WDPCP: variants seen among roughly 807,000 people sequenced by gnomAD.
WDPCP encodes the protein WD repeat-containing and planar cell polarity effector protein fritz homolog.
In WDPCP, 71 loss-of-function variants were observed where a neutral mutation model predicts 93.1. The observed-to-expected ratio is 0.76, with a 90% confidence interval of 0.63 to 0.93. The LOEUF is 0.93. WDPCP is among the 40% of genes least tolerant of loss of function. The pLI is 0.00. For missense variants in WDPCP, 844 were observed against 887.4 expected, an observed-to-expected ratio of 0.95 and a Z score of 0.62; for synonymous variants, 315 against 315.0, an observed-to-expected ratio of 1.00 and a Z score of 0.00.
At chr2:63,268,721 T>A (rs543894080) in intron 13 of WDPCP, among the ~76,000 whole-genome samples, 109 of 71,208 alleles carry the variant, frequency 1.5e-3, no homozygotes, top group South Asian at 3.5e-3. Context: ...GCTCAAGTGA[T>A]CCTCTCACTG....
intron 1 of WDPCP, among the ~76,000 whole-genome samples, chr2:63,563,484 T>C (rs1706786888): frequency 6.6e-6 from 1 of 152,000 alleles, no homozygotes; most frequent in Non-Finnish European, 1.5e-5. Context: ...ATTTCATATA[T>C]ATGAAATGTG....
intron 6 of WDPCP, among the ~76,000 whole-genome samples, chr2:63,466,513 A>G (rs966938081): frequency 1.8e-4 from 28 of 152,276 alleles, no homozygotes; most frequent in African/African-American, 6.7e-4. Flanking sequence ...TAACTTGTAC[A>G]TTTAATACAA....
intron 1 of WDPCP, among the ~76,000 whole-genome samples, chr2:63,827,269 C>A (rs957254222): frequency 6.6e-6 from 1 of 152,052 alleles, no homozygotes; most frequent in Middle Eastern, 3.2e-3. Context: ...CTTCTCAATC[C>A]TTCAGCTTTG....
chr2:63,120,953 T>C lies in WDPCP; in HGVS notation c.*1053A>G, dbSNP rs533539763. ...AACAAGTTACCACACTATAGTTTCA[T>C]GGATGCTGTTAGAAGACATGAGACT... On this transcript the variant is annotated 3_prime_UTR_variant, in exon 18 of 18. Coordinates refer to ENST00000272321, the MANE Select transcript of WDPCP (RefSeq NM_015910.7). 6.6e-6 allele frequency among the ~76,000 whole-genome samples: 1 copy of C among 152,292 alleles called. No individual in the cohort carries two copies. Among genetic ancestry groups the C allele is most frequent in the Admixed American group, 6.5e-5 (1 of 15,292 alleles).
At chr2:63,423,573 T>C (rs1457900499) in intron 9 of WDPCP, among the ~76,000 whole-genome samples, 1 of 152,194 alleles carries the variant, frequency 6.6e-6, no homozygotes, top group Non-Finnish European at 1.5e-5. Flanking sequence ...AAGGACCTGT[T>C]CTGAGTAAGA....
intron 14 of WDPCP, among the ~76,000 whole-genome samples, chr2:63,256,747 G>A (rs981210394): frequency 1.1e-4 from 16 of 152,198 alleles, no homozygotes; most frequent in Non-Finnish European, 2.2e-4. Flanking sequence ...TTGTTATACA[G>A]CAAGAAGAGT....
At chr2:63,156,349 T>C (rs763011670) in intron 15 of WDPCP, among the ~76,000 whole-genome samples, 1 of 152,172 alleles carries the variant, frequency 6.6e-6, no homozygotes, top group South Asian at 2.1e-4. Flanking sequence ...ATGGAATGTT[T>C]TGTTAGACTT....
intron 14 of WDPCP, among the ~76,000 whole-genome samples, chr2:63,223,172 A>G (rs534817558): frequency 2.6e-5 from 4 of 152,134 alleles, no homozygotes; most frequent in Non-Finnish European, 2.9e-5. Flanking sequence ...ATTTGACGAA[A>G]CAACTCACCT....
chr2:63,451,677 C>T (rs1245614342), intron 6 of WDPCP, among the ~76,000 whole-genome samples: 1 of 152,184 alleles, frequency 6.6e-6, no homozygotes, highest in African/African-American at 2.4e-5. Flanking sequence ...CTGATGAACA[C>T]TGATGCAAAA....
At chr2:63,441,771 A>G (rs1697521615) in intron 6 of WDPCP, 1 of 152,152 alleles carries the variant, frequency 6.6e-6, no homozygotes, top group African/African-American at 2.4e-5. Context: ...CAGGAAAACT[A>G]TTCTACCATG....
At chr2:63,450,148 C>G (rs1698137345) in intron 6 of WDPCP, among the ~76,000 whole-genome samples, 2 of 152,178 alleles carry the variant, frequency 1.3e-5, no homozygotes, top group African/African-American at 4.8e-5. Flanking sequence ...ACATAGAAAC[C>G]AGGACTCCTT....
chr2:63,569,076 AAT>A lies in WDPCP; in HGVS notation c.75+19119_75+19120del, dbSNP rs533255088. On this transcript the variant is annotated intron_variant, in intron 1 of 17. Transcript: ENST00000272321. ...ATAGTTAAAAACTGGAAACAACCTAAATATCATTAAATGGAAAATGGAGAACA... is the reference window on the plus strand; with the variant it reads ...ATAGTTAAAAACTGGAAACAACCTAAATCATTAAATGGAAAATGGAGAACA... 9.5e-4 allele frequency among the ~76,000 whole-genome samples: 144 copies of A among 152,342 alleles called. 1 individual carries two copies. Among genetic ancestry groups the A allele is most frequent in the Non-Finnish European group, 1.8e-3 (122 of 68,026 alleles).
At chr2:63,395,360 G>C (rs921377365) in intron 10 of WDPCP, among the ~76,000 whole-genome samples, 15 of 152,114 alleles carry the variant, frequency 9.9e-5, no homozygotes, top group African/African-American at 3.1e-4. Flanking sequence ...TCAATAGGCA[G>C]TATTTCATCC....
intron 12 of WDPCP, among the ~76,000 whole-genome samples, chr2:63,370,461 A>G (rs1370653210): frequency 6.6e-6 from 1 of 152,188 alleles, no homozygotes; most frequent in Non-Finnish European, 1.5e-5. Context: ...AGTCTCTTGG[A>G]ATGTCATCAT....
chr2:63,177,041 A>C (rs781775151), intron 14 of WDPCP, among the ~76,000 whole-genome samples: 3 of 152,190 alleles, frequency 2.0e-5, no homozygotes, highest in Non-Finnish European at 4.4e-5. Context: ...TGGTGTTGAC[A>C]TCTGTCAAAA....
chr2:63,744,721 G>A (rs761232665), intron 2 of WDPCP, among the ~76,000 whole-genome samples: 16 of 152,016 alleles, frequency 1.1e-4, no homozygotes, highest in Non-Finnish European at 2.2e-4. Flanking sequence ...TCTTCTGTAT[G>A]AGTCTGCCTT....
intron 12 of WDPCP, among the ~76,000 whole-genome samples, chr2:63,348,031 A>G (rs1454641831): frequency 6.6e-6 from 1 of 152,172 alleles, no homozygotes; most frequent in East Asian, 1.9e-4. Flanking sequence ...AGTCTTTCTC[A>G]CCTTAAGAAA....
intron 2 of WDPCP, among the ~76,000 whole-genome samples, chr2:63,747,789 G>A (rs1669821235): frequency 6.6e-6 from 1 of 151,862 alleles, no homozygotes; most frequent in Non-Finnish European, 1.5e-5. Flanking sequence ...AGAATATGAT[G>A]GTCATGTTTG....
chr2:63,389,814 G>A (rs900966809), intron 10 of WDPCP, among the ~76,000 whole-genome samples: 1 of 152,060 alleles, frequency 6.6e-6, no homozygotes, highest in Non-Finnish European at 1.5e-5. Context: ...ATTACATAAT[G>A]GTAAAGGGAT....
Sources: allele counts gnomAD v4.1 joint callset (sites outside exome capture counted in the v4.1 genomes callset), GRCh38; gene constraint gnomAD v4.1.1; transcripts MANE v1.5; gene names NCBI Gene and HGNC (gene_info 2026-07-23, HGNC 2026-07-21).